DIPK1A: variants seen among roughly 807,000 people sequenced by gnomAD.
DIPK1A encodes the protein family with sequence similarity 69 member A.
DIPK1A carries 27 observed loss-of-function variants against 40.8 expected under a neutral mutation model. That is an observed-to-expected ratio of 0.66 (90% CI 0.49 to 0.91). The LOEUF (loss-of-function observed/expected upper bound fraction) is 0.91, where lower values mean the gene tolerates loss of function less well. DIPK1A is among the 40% of genes least tolerant of loss of function. DIPK1A has a pLI of 0.00. For missense variants in DIPK1A, 412 were observed against 505.7 expected (o/e 0.81, Z 1.78); for synonymous variants, 166 against 171.3 (o/e 0.97, Z 0.24).
chr1:92,853,279 T>C (rs1403123336), intron 2 of DIPK1A, among the ~76,000 whole-genome samples: 1 of 152,110 alleles, frequency 6.6e-6, no homozygotes, highest in Non-Finnish European at 1.5e-5. Context: ...TCACATAAAT[T>C]AAAACACTTT....
At chr1:92,856,983 A>C (rs1688007168) in intron 2 of DIPK1A, among the ~76,000 whole-genome samples, 1 of 152,232 alleles carries the variant, frequency 6.6e-6, no homozygotes, top group Non-Finnish European at 1.5e-5. Flanking sequence ...AATGAAATAA[A>C]TAGGCCCAGA....
intron 1 of DIPK1A, among the ~76,000 whole-genome samples, chr1:92,894,634 G>A (rs1649072838): frequency 6.6e-6 from 1 of 151,948 alleles, no homozygotes; most frequent in Non-Finnish European, 1.5e-5. Context: ...GCTAGCAGAA[G>A]GCAAGAAATA....
At chr1:92,852,004 C>T (rs188834206) in intron 2 of DIPK1A, among the ~76,000 whole-genome samples, 1 of 152,296 alleles carries the variant, frequency 6.6e-6, no homozygotes, top group East Asian at 1.9e-4. Context: ...TGTTGATGAA[C>T]TACGGTTGGG....
intron 3 of DIPK1A, 25 bp downstream of exon 3, chr1:92,850,823 G>T: frequency 7.3e-7 from 1 of 1,372,746 alleles, no homozygotes; most frequent in Non-Finnish European, 1.0e-6. Context: ...TATAATTCTG[G>T]AATGTTTATT....
At chr1:92,840,983 C>T, downstream of DIPK1A, 1 of 410,842 alleles carries the variant, frequency 2.4e-6, no homozygotes, top group Non-Finnish European at 4.7e-6. Flanking sequence ...TGATGGCCCA[C>T]AAATACAATG....
chr1:92,881,805 G>C (rs1392590927), intron 1 of DIPK1A, among the ~76,000 whole-genome samples: 1 of 152,070 alleles, frequency 6.6e-6, no homozygotes, highest in Non-Finnish European at 1.5e-5. Context: ...AAAACATTAA[G>C]GGTTGTTATC....
At chr1:92,939,547 C>A (rs1234837510) in intron 1 of DIPK1A, among the ~76,000 whole-genome samples, 1 of 152,156 alleles carries the variant, frequency 6.6e-6, no homozygotes, top group Non-Finnish European at 1.5e-5. Flanking sequence ...TATTTGTAGA[C>A]TTCAAAGCTT....
chr1:92,948,098 G>A (rs571950501), intron 1 of DIPK1A, among the ~76,000 whole-genome samples: 1 of 152,308 alleles, frequency 6.6e-6, no homozygotes, highest in South Asian at 2.1e-4. Context: ...GGGGATAGAC[G>A]TGCTAATTAT....
At chr1:92,877,105 T>C (rs1648166938) in intron 1 of DIPK1A, 1 of 985,314 alleles carries the variant, frequency 1.0e-6, no homozygotes, top group South Asian at 4.7e-5. Context: ...TCTTTGCATA[T>C]CAACTTGCAA....
chr1:92,906,970 G>A (rs1424369918), intron 1 of DIPK1A, among the ~76,000 whole-genome samples: 1 of 152,088 alleles, frequency 6.6e-6, no homozygotes, highest in African/African-American at 2.4e-5. Context: ...AACAAAAGAA[G>A]TCAGTGTCTG....
intron 2 of DIPK1A, among the ~76,000 whole-genome samples, chr1:92,861,875 G>C (rs1392476107): frequency 1.3e-5 from 2 of 151,072 alleles, no homozygotes; most frequent in Non-Finnish European, 3.0e-5. Flanking sequence ...ACCTCCCTGG[G>C]CTCGGGTGAT....
At chr1:92,868,786 T>C (rs1237586340) in intron 2 of DIPK1A, among the ~76,000 whole-genome samples, 1 of 151,964 alleles carries the variant, frequency 6.6e-6, no homozygotes, top group Non-Finnish European at 1.5e-5. Flanking sequence ...GCCAACGTGG[T>C]GAAACCTTGT....
At chr1:92,868,514 T>A (rs1476691957) in intron 2 of DIPK1A, among the ~76,000 whole-genome samples, 1 of 152,212 alleles carries the variant, frequency 6.6e-6, no homozygotes, top group African/African-American at 2.4e-5. Flanking sequence ...CAAAATGCCA[T>A]CTTTTCAGGC....
At chr1:92,948,162 T>C (rs1208993730) in intron 1 of DIPK1A, among the ~76,000 whole-genome samples, 4 of 152,098 alleles carry the variant, frequency 2.6e-5, no homozygotes, top group African/African-American at 4.8e-5. Flanking sequence ...TAGGAAAAAA[T>C]ATAAATGTTA....
At chr1:92,880,308 T>A (rs777432075) in intron 1 of DIPK1A, among the ~76,000 whole-genome samples, 9 of 152,338 alleles carry the variant, frequency 5.9e-5, no homozygotes, top group Admixed American at 3.3e-4. Context: ...TTAGTAATTT[T>A]AAAAATATAA....
chr1:92,908,185 T>C (rs913915816), intron 1 of DIPK1A, among the ~76,000 whole-genome samples: 5 of 152,168 alleles, frequency 3.3e-5, no homozygotes, highest in African/African-American at 1.2e-4. Context: ...TACAGGTCTA[T>C]GGCAGGAAAA....
At chr1:92,929,412 C>T (rs1257340662) in intron 1 of DIPK1A, among the ~76,000 whole-genome samples, 2 of 152,204 alleles carry the variant, frequency 1.3e-5, no homozygotes, top group Non-Finnish European at 2.9e-5. Context: ...GGCCTCCCCA[C>T]ACATATGAAG....
chr1:92,895,770 A>C (rs1203057636), intron 1 of DIPK1A, among the ~76,000 whole-genome samples: 6 of 152,128 alleles, frequency 3.9e-5, no homozygotes, highest in Non-Finnish European at 8.8e-5. Context: ...GTCTCAGCCC[A>C]AAATCTCCTT....
intron 1 of DIPK1A, among the ~76,000 whole-genome samples, chr1:92,902,942 TG>T (rs1197904682): frequency 2.6e-5 from 4 of 152,228 alleles, no homozygotes; most frequent in Non-Finnish European, 5.9e-5. Flanking sequence ...ACTTGGAGCG[TG>T]CCTGAGTGTT....
Sources: allele counts gnomAD v4.1 joint callset (sites outside exome capture counted in the v4.1 genomes callset), GRCh38; gene constraint gnomAD v4.1.1; transcripts MANE v1.5; gene names NCBI Gene and HGNC (gene_info 2026-07-23, HGNC 2026-07-21).